The following PCDHAC1 variants were observed in gnomAD, a reference collection of about 807,000 sequenced individuals.
PCDHAC1 encodes protocadherin alpha-C1.
In PCDHAC1, 42 loss-of-function variants were observed where a neutral mutation model predicts 60.0. The observed-to-expected ratio is 0.70, with a 90% CI of 0.55 to 0.90. The LOEUF (loss-of-function observed/expected upper bound fraction) is 0.90. PCDHAC1 is among the 40% of genes least tolerant of loss of function. The probability of loss-of-function intolerance (pLI) is 0.00; values close to 1 mark genes in which losing one functional copy is unlikely to be tolerated. For missense variants in PCDHAC1, 1,160 were observed against 1,222.3 expected, an observed-to-expected ratio of 0.95 and a Z score of 0.76; for synonymous variants, 468 against 499.3, an observed-to-expected ratio of 0.94 and a Z score of 0.84.
At chr5:140,993,462 TCACACACA>T (rs3836747) in intron 3 of PCDHAC1, among the ~76,000 whole-genome samples, 8,792 of 140,974 alleles carry the variant, frequency 0.062, 316 homozygotes, top group South Asian at 0.11. Flanking sequence ...TCTTTCTTTC[TCACACACA>T]CACACACACA....
chr5:140,944,470 A>G (rs1245262998), intron 1 of PCDHAC1, among the ~76,000 whole-genome samples: 1 of 152,166 alleles, frequency 6.6e-6, no homozygotes, highest in East Asian at 1.9e-4. Flanking sequence ...TACAGGTATG[A>G]GGCACTGGAC....
chr5:140,932,042 A>G (rs1419099942), intron 1 of PCDHAC1, among the ~76,000 whole-genome samples: 1 of 151,970 alleles, frequency 6.6e-6, no homozygotes, highest in Non-Finnish European at 1.5e-5. Flanking sequence ...ATATTAACAT[A>G]GCCTGTAATA....
intron 1 of PCDHAC1, among the ~76,000 whole-genome samples, chr5:140,975,809 TA>T (rs146252033): frequency 0.06 from 9,090 of 152,310 alleles, 381 homozygotes; most frequent in East Asian, 0.11. Context: ...TTTATAATTT[TA>T]ATAGGAACTG....
chr5:140,986,280 C>T (rs2097193236), intron 3 of PCDHAC1, among the ~76,000 whole-genome samples: 1 of 152,116 alleles, frequency 6.6e-6, no homozygotes, highest in African/African-American at 2.4e-5. Flanking sequence ...TTTCAGCTTC[C>T]CTTGAGACTG....
At chr5:140,976,286 C>G (rs1554237455) in intron 1 of PCDHAC1, among the ~76,000 whole-genome samples, 2 of 152,098 alleles carry the variant, frequency 1.3e-5, no homozygotes, top group African/African-American at 2.4e-5. Flanking sequence ...CACAGTGGCT[C>G]AAGCCTGTAA....
At chr5:140,973,040 T>G (rs529820612) in intron 1 of PCDHAC1, among the ~76,000 whole-genome samples, 23 of 152,264 alleles carry the variant, frequency 1.5e-4, no homozygotes, top group African/African-American at 5.5e-4. Flanking sequence ...CTTTGAGTAC[T>G]CTAGTAGATT....
intron 1 of PCDHAC1, among the ~76,000 whole-genome samples, chr5:140,939,948 A>C (rs2153644220): frequency 6.6e-6 from 1 of 152,296 alleles, no homozygotes; most frequent in Admixed American, 6.5e-5. Context: ...TACTGAGAAA[A>C]TTATGTTAAA....
chr5:140,969,473 A>G (rs562575347), intron 1 of PCDHAC1: 1 of 1,478,090 alleles, frequency 6.8e-7, no homozygotes, highest in Non-Finnish European at 9.0e-7. Flanking sequence ...CCACAATTTG[A>G]TCATAATCTG....
Position 140,927,170 on chromosome 5 carries a change from G to A in PCDHAC1, c.278G>A (p.Cys93Tyr), listed in dbSNP as rs370656989. The A allele has an allele frequency of 2.6e-5, 42 of 1,614,048 alleles. No individual in the cohort carries two copies. The highest frequency in any genetic ancestry group is 3.5e-5 in the Non-Finnish European group (41 of 1,180,042). Residue 93 changes from cysteine to tyrosine, a missense_variant, in exon 1 of 4, where the codon TGC becomes TAC. Physicochemically the swap from Cys to Tyr is radical, Grantham distance 194. Around this residue, in one of 3 missense-constraint regions of PCDHAC1, gnomAD observed 1,113 missense variants for 1,163.7 expected, o/e 0.96. Coordinates refer to ENST00000253807, the MANE Select transcript of PCDHAC1 (RefSeq NM_018898.5). ...REQLCRAKAA[C>Y]VLTYDLVLED... Reference sequence around the variant, plus strand: ...CAGCTGTGCAGGGCCAAAGCTGCCTGCGTCTTGACCTACGACCTGGTGCTC... The same window carrying A: ...CAGCTGTGCAGGGCCAAAGCTGCCTACGTCTTGACCTACGACCTGGTGCTC...
At position 140,928,289 on chromosome 5, in the gene PCDHAC1, G is replaced by C. The variant is rs1554205708; in HGVS notation, c.1397G>C (p.Arg466Pro). The C allele has an allele frequency of 6.2e-7, 1 of 1,614,170 alleles. No homozygotes were observed. The highest frequency in any genetic ancestry group is 8.5e-7 in the Non-Finnish European group (1 of 1,180,040). The change falls in exon 1 of 4, where the codon CGA becomes CCA. Residue 466 changes from arginine to proline, a missense_variant. By Grantham distance (103) the Arg-to-Pro change is moderately radical. Around this residue, in one of 3 missense-constraint regions of PCDHAC1, gnomAD observed 1,113 missense variants for 1,163.7 expected, o/e 0.96. Coordinates refer to ENST00000253807, the MANE Select transcript of PCDHAC1 (RefSeq NM_018898.5). ...ENNGPGASLGRVFAQDPDLGK... is the reference protein window; with the variant it reads ...ENNGPGASLGPVFAQDPDLGK... ...AATGGCCCTGGGGCCTCTCTAGGCC[G>C]AGTGTTTGCCCAGGACCCCGACCTG...
chr5:140,983,100 T>C (rs2097027056), intron 3 of PCDHAC1, among the ~76,000 whole-genome samples: 1 of 152,232 alleles, frequency 6.6e-6, no homozygotes, highest in African/African-American at 2.4e-5. Flanking sequence ...AATCTGCTTC[T>C]CTCTGCACAT....
intron 1 of PCDHAC1, among the ~76,000 whole-genome samples, chr5:140,957,916 T>C (rs1554223208): frequency 6.6e-6 from 1 of 152,114 alleles, no homozygotes; most frequent in African/African-American, 2.4e-5. Context: ...TTGTTATCTA[T>C]GTATCAAGCT....
chr5:140,974,578 C>A (rs1554236214), intron 1 of PCDHAC1, among the ~76,000 whole-genome samples: 1 of 152,170 alleles, frequency 6.6e-6, no homozygotes, highest in Non-Finnish European at 1.5e-5. Flanking sequence ...ATGGCATGAT[C>A]TTGGCTCACT....
chr5:140,967,769 G>A (rs1213232834), intron 1 of PCDHAC1: 1 of 1,614,104 alleles, frequency 6.2e-7, no homozygotes, highest in Non-Finnish European at 8.5e-7. Flanking sequence ...CCAGATCTAT[G>A]TGCAGGCGAC....
intron 3 of PCDHAC1, among the ~76,000 whole-genome samples, chr5:140,990,571 G>A (rs996259729): frequency 6.6e-6 from 1 of 152,102 alleles, no homozygotes; most frequent in Non-Finnish European, 1.5e-5. Flanking sequence ...ACACCTGTTC[G>A]ATCTCTTTTC....
chr5:140,928,000 G>C lies in PCDHAC1; in HGVS notation c.1108G>C (p.Asp370His). ...ALFSVKDEDL[D>H]SNGRVICGMS... ...CTTTAGTGTAAAGGATGAAGACCTC[G>C]ATTCTAATGGTAGGGTCATTTGTGG... Residue 370 changes from aspartate (D) to histidine (H), a missense_variant, in exon 1 of 4, where the codon GAT becomes CAT. Around this residue, in one of 3 missense-constraint regions of PCDHAC1, gnomAD observed 1,113 missense variants for 1,163.7 expected, o/e 0.96. Transcript: ENST00000253807. The C allele has an allele frequency of 6.2e-7, 1 of 1,614,166 alleles. No individual in the cohort carries two copies.
At chr5:140,965,402 G>A (rs1554227671) in intron 1 of PCDHAC1, among the ~76,000 whole-genome samples, 1 of 152,112 alleles carries the variant, frequency 6.6e-6, no homozygotes, top group Non-Finnish European at 1.5e-5. Context: ...AGTCTAAGGA[G>A]TCTTATATTT....
At chr5:140,969,459 G>A (rs1554231863) in intron 1 of PCDHAC1, 1 of 1,503,404 alleles carries the variant, frequency 6.7e-7, no homozygotes, top group Non-Finnish European at 8.9e-7. Flanking sequence ...AGTATATATA[G>A]TATCCACAAT....
At chr5:140,939,149 C>T (rs2092323339) in intron 1 of PCDHAC1, among the ~76,000 whole-genome samples, 1 of 152,124 alleles carries the variant, frequency 6.6e-6, no homozygotes, top group South Asian at 2.1e-4. Flanking sequence ...GATCAAGGTC[C>T]TGGCAGATTT....
Sources: gnomAD v4.1 joint callset for allele counts (sites outside exome capture counted in the v4.1 genomes callset) on GRCh38, gnomAD v4.1.1 for gene constraint, gnomAD v4.1.1 regional missense constraint, MANE v1.5 for transcripts, NCBI Gene and HGNC (gene_info 2026-07-23, HGNC 2026-07-21) for gene names.